The following NDUFAF6 variants were observed in gnomAD, a reference collection of about 807,000 sequenced individuals.
NDUFAF6 encodes NADH dehydrogenase (ubiquinone) complex I, assembly factor 6.
A neutral mutation model predicts 40.8 loss-of-function variants in NDUFAF6; 45 were observed. The ratio of observed to expected loss-of-function variants is 1.10; its 90% CI spans 0.87 to 1.42. The LOEUF (loss-of-function observed/expected upper bound fraction) is 1.42. Ranked by LOEUF, NDUFAF6 falls within the 40% of genes most tolerant of loss-of-function variation. The probability of loss-of-function intolerance (pLI) is 0.00; values close to 1 mark genes in which losing one functional copy is unlikely to be tolerated. For synonymous variants in NDUFAF6, 185 were observed against 155.9 expected (o/e 1.19, Z -1.39); for missense variants, 435 against 418.5 (o/e 1.04, Z -0.34).
Position 95,058,422 on chromosome 8 carries a change from C to A in NDUFAF6, c.*485C>A. ...AAATTAATATTTGAGGAATATCAGT[C>A]ACGTGTTGTGGGCTTTTATCCTTAA... is the stretch of plus-strand genomic sequence containing the variant. On this transcript the variant is annotated 3_prime_UTR_variant, in exon 9 of 9. Transcript: ENST00000396124. 1.6e-6 allele frequency: 2 copies of A among 1,232,446 alleles called. No homozygotes were observed. Among genetic ancestry groups the A allele is most frequent in the South Asian group, 8.2e-5 (2 of 24,270 alleles). The allele number at this position is 1,232,446 out of a possible 1,614,324, so 76.3% of individuals were successfully genotyped here.
At chr8:94,930,392 AAG>A in intron 1 of NDUFAF6, 1 of 1,542,428 alleles carries the variant, frequency 6.5e-7, no homozygotes, top group East Asian at 2.3e-5. Flanking sequence ...ATTGGTTGTA[AAG>A]AGACAACATT....
chr8:95,039,738 G>A (rs757984077), intron 3 of NDUFAF6, among the ~76,000 whole-genome samples: 14 of 151,756 alleles, frequency 9.2e-5, no homozygotes, highest in South Asian at 2.1e-4. Flanking sequence ...ATCCTCCTGC[G>A]TCAGCCTTCT....
chr8:95,039,438 C>T (rs973684266), intron 3 of NDUFAF6, among the ~76,000 whole-genome samples: 8 of 149,922 alleles, frequency 5.3e-5, no homozygotes, highest in African/African-American at 1.2e-4. Flanking sequence ...GGCGACAAAG[C>T]GAGACTCTGT....
At chr8:95,099,669 A>C (rs1809591147), upstream of NDUFAF6, among the ~76,000 whole-genome samples, 1 of 152,160 alleles carries the variant, frequency 6.6e-6, no homozygotes, top group African/African-American at 2.4e-5. Context: ...GAGCTCCCCT[A>C]GCAGTAGCTT....
intron 1 of NDUFAF6, among the ~76,000 whole-genome samples, chr8:94,958,816 T>TAGTC (rs949687558): frequency 1.3e-5 from 2 of 152,144 alleles, no homozygotes; most frequent in African/African-American, 4.8e-5. Context: ...CAGTCATGTA[T>TAGTC]AGTCACATTC....
chr8:95,114,476 A>G lies in NDUFAF6; in HGVS notation n.345-1060A>G, dbSNP rs1022568884. Among the ~76,000 whole-genome samples, 7 of 152,350 alleles carry G rather than the reference A, an allele frequency of 4.6e-5. No homozygotes were observed. The East Asian group carries it at 1.3e-3, about 29-fold the overall frequency. ...CTGAAAGTCAATGGCATTTTCTGGAACTGCCTATGGAGGTGTACTTCACAG... is the reference window on the plus strand; with the variant it reads ...CTGAAAGTCAATGGCATTTTCTGGAGCTGCCTATGGAGGTGTACTTCACAG... On this transcript the variant is annotated intron_variant and non_coding_transcript_variant, in intron 4 of 5. Coordinates refer to the NDUFAF6 transcript ENST00000523184.
At position 95,056,708 on chromosome 8, in the gene NDUFAF6, T is replaced by A. The variant is rs1832199434; in HGVS notation, c.874-1101T>A. Among the ~76,000 whole-genome samples the A allele has an allele frequency of 3.3e-5, 5 of 151,816 alleles. No homozygotes were observed. In the South Asian group the frequency reaches 1.0e-3, roughly 31 times the overall value. Reference sequence around the variant, plus strand: ...GATCACGAGGTCAGGAGTTCAAGACTAGCCTGGCCAATGTGGTGAAACCCT... The same window carrying A: ...GATCACGAGGTCAGGAGTTCAAGACAAGCCTGGCCAATGTGGTGAAACCCT... On this transcript the variant is annotated intron_variant, in intron 8 of 8. Transcript: ENST00000396124.
chr8:95,092,075 C>T lies in NDUFAF6; in HGVS notation n.214-9057C>T, dbSNP rs562211288. Among the ~76,000 whole-genome samples the T allele has an allele frequency of 3.9e-5, 6 of 152,038 alleles. No individual in the cohort carries two copies. In the East Asian group the frequency reaches 1.2e-3, roughly 29 times the overall value. On this transcript the variant is annotated intron_variant and non_coding_transcript_variant, in intron 2 of 5. Transcript: ENST00000523184. Reference sequence around the variant, plus strand: ...TTTATTTATATCAGGACTTAGTGTTCCCAACTTCACACTGCACTCCGAGTT... The same window carrying T: ...TTTATTTATATCAGGACTTAGTGTTTCCAACTTCACACTGCACTCCGAGTT...
intron 4 of NDUFAF6, among the ~76,000 whole-genome samples, chr8:95,113,700 T>A (rs1420398219): frequency 6.6e-6 from 1 of 152,130 alleles, no homozygotes; most frequent in Non-Finnish European, 1.5e-5. Flanking sequence ...AATCTGCACC[T>A]CCATCCTTGG....
upstream of NDUFAF6, among the ~76,000 whole-genome samples, chr8:95,098,970 G>T (rs1809564598): frequency 6.6e-6 from 1 of 151,938 alleles, no homozygotes; most frequent in Non-Finnish European, 1.5e-5. Context: ...GCTGGGTGTG[G>T]TGGCTCACGC....
At chr8:95,118,409 A>C (rs1810178305), downstream of NDUFAF6, among the ~76,000 whole-genome samples, 1 of 152,192 alleles carries the variant, frequency 6.6e-6, no homozygotes, top group African/African-American at 2.4e-5. Flanking sequence ...CAGAGTGGGA[A>C]AGTATTAATA....
intron 2 of NDUFAF6, among the ~76,000 whole-genome samples, chr8:95,094,768 T>A (rs1386742506): frequency 9.1e-5 from 13 of 142,206 alleles, no homozygotes; most frequent in Non-Finnish European, 1.5e-4. Context: ...TTTTTTTTTT[T>A]AAGAAATAGG....
upstream of NDUFAF6, chr8:95,024,964 T>A: frequency 7.8e-7 from 1 of 1,288,762 alleles, no homozygotes; most frequent in Non-Finnish European, 9.8e-7. Context: ...GGGGCGTAGC[T>A]GCGCGCCGAC....
intron 1 of NDUFAF6, among the ~76,000 whole-genome samples, chr8:94,910,777 A>G (rs1818729335): frequency 6.6e-6 from 1 of 152,254 alleles, no homozygotes; most frequent in African/African-American, 2.4e-5. Context: ...TTAAGAATAT[A>G]TGTTCAAGAA....
chr8:95,113,233 A>G (rs979384548), intron 4 of NDUFAF6, among the ~76,000 whole-genome samples: 2 of 152,170 alleles, frequency 1.3e-5, no homozygotes, highest in African/African-American at 4.8e-5. Flanking sequence ...TCATTTCTCT[A>G]TGGAGTAGGG....
At chr8:95,054,560 G>T (rs1167355282) in intron 8 of NDUFAF6, among the ~76,000 whole-genome samples, 4 of 151,670 alleles carry the variant, frequency 2.6e-5, no homozygotes, top group Non-Finnish European at 5.9e-5. Context: ...TCAGCTTCCC[G>T]AGTAGCTGGG....
chr8:94,958,295 G>T (rs1586804996), intron 1 of NDUFAF6: 1 of 152,234 alleles, frequency 6.6e-6, no homozygotes, highest in Non-Finnish European at 1.5e-5. Flanking sequence ...AGTTCTGGAG[G>T]CTGGAAATCC....
At chr8:95,048,244 G>GT (rs977269572) in intron 6 of NDUFAF6, among the ~76,000 whole-genome samples, 15 of 150,860 alleles carry the variant, frequency 9.9e-5, no homozygotes, top group South Asian at 2.1e-4. Context: ...TCTCATTTTT[G>GT]TTTTTTTTTC....
chr8:95,026,685 TC>T (rs1828181847), intron 1 of NDUFAF6, among the ~76,000 whole-genome samples: 1 of 152,176 alleles, frequency 6.6e-6, no homozygotes, highest in African/African-American at 2.4e-5. Flanking sequence ...GCCGCTAGTG[TC>T]ATAACTTTGC....
Sources: gnomAD v4.1 joint callset for allele counts (sites outside exome capture counted in the v4.1 genomes callset) on GRCh38, gnomAD v4.1.1 for gene constraint, MANE v1.5 for transcripts, NCBI Gene and HGNC (gene_info 2026-07-23, HGNC 2026-07-21) for gene names.